The following ZNF138 variants were observed in gnomAD, a reference collection of about 807,000 sequenced individuals.
The protein encoded by ZNF138 is zinc finger protein 138 (clone pHZ-32).
A neutral mutation model predicts 33.0 loss-of-function variants in ZNF138; 33 were observed. The observed-to-expected ratio is 1.00, with a 90% CI of 0.76 to 1.34. The LOEUF (loss-of-function observed/expected upper bound fraction) is 1.34. Ranked by LOEUF, ZNF138 falls within the 40% of genes most tolerant of loss-of-function variation. The probability of loss-of-function intolerance (pLI) is 0.00; values close to 1 mark genes in which losing one functional copy is unlikely to be tolerated. For synonymous variants in ZNF138, 139 were observed against 120.4 expected (o/e 1.15, Z -1.01); for missense variants, 360 against 370.8 (o/e 0.97, Z 0.24).
intron 3 of ZNF138, among the ~76,000 whole-genome samples, chr7:64,829,791 C>T (rs1245466142): frequency 6.6e-6 from 1 of 151,924 alleles, no homozygotes; most frequent in Non-Finnish European, 1.5e-5. Flanking sequence ...TGTGTATGTG[C>T]ATGTCTTCCC....
intron 1 of ZNF138, among the ~76,000 whole-genome samples, chr7:64,799,728 C>T (rs962076695): frequency 2.6e-4 from 40 of 152,086 alleles, no homozygotes; most frequent in African/African-American, 9.4e-4. Flanking sequence ...ACTGCAACCT[C>T]GACCTCCCGG....
At chr7:64,839,474 C>T in the ZNF138 span, among the ~76,000 whole-genome samples, 2,508 of 152,212 alleles carry the variant, frequency 0.016, 34 homozygotes, top group Non-Finnish European at 0.024. Context: ...TCGTCAATGC[C>T]GATTTGGACT....
At chr7:64,825,622 C>G (rs1325901903) in intron 3 of ZNF138, among the ~76,000 whole-genome samples, 1 of 151,342 alleles carries the variant, frequency 6.6e-6, no homozygotes, top group Non-Finnish European at 1.5e-5. Context: ...TCACTGCAAC[C>G]TCTGCTTCCC....
At chr7:64,797,579 T>A (rs941167356) in intron 1 of ZNF138, among the ~76,000 whole-genome samples, 1 of 152,080 alleles carries the variant, frequency 6.6e-6, no homozygotes, top group African/African-American at 2.4e-5. Flanking sequence ...TGTCGGAGCC[T>A]GCTCACCCCA....
chr7:64,847,608 C>T, the ZNF138 span, among the ~76,000 whole-genome samples: 2 of 151,728 alleles, frequency 1.3e-5, no homozygotes, highest in African/African-American at 4.8e-5. Context: ...ATATAATGTC[C>T]CTCTTTGTCT....
intron 3 of ZNF138, among the ~76,000 whole-genome samples, chr7:64,823,231 T>G (rs953858710): frequency 6.6e-6 from 1 of 152,204 alleles, no homozygotes; most frequent in Admixed American, 6.5e-5. Flanking sequence ...AGAGTATGTT[T>G]TATTTTTATA....
At chr7:64,860,430 C>T in the ZNF138 span, among the ~76,000 whole-genome samples, 3 of 152,080 alleles carry the variant, frequency 2.0e-5, no homozygotes, top group Admixed American at 1.3e-4. Flanking sequence ...TTTCTTCAAC[C>T]ACTTCTTCCC....
the ZNF138 span, chr7:64,852,893 T>A: frequency 1.0e-5 from 10 of 998,818 alleles, no homozygotes; most frequent in Non-Finnish European, 1.6e-5. Flanking sequence ...TACAGACGTT[T>A]CTGCCTCCTC....
the ZNF138 span, chr7:64,852,629 A>G: frequency 2.1e-6 from 3 of 1,458,378 alleles, no homozygotes; most frequent in African/African-American, 1.4e-5. Context: ...GAGCCTCGCC[A>G]TGTTCATCAT....
chr7:64,849,722 G>A, the ZNF138 span, among the ~76,000 whole-genome samples: 58 of 152,042 alleles, frequency 3.8e-4, no homozygotes, highest in Non-Finnish European at 7.2e-4. Flanking sequence ...GGGTGTGGGG[G>A]AAAGGGGGAG....
downstream of ZNF138, among the ~76,000 whole-genome samples, chr7:64,837,174 C>T (rs118063731): frequency 3.9e-3 from 593 of 152,176 alleles, 10 homozygotes; most frequent in South Asian, 0.029. Context: ...AAGTGACAGT[C>T]CAAGTGGCCT....
At chr7:64,835,209 A>G (rs56004721), downstream of ZNF138, 44,864 of 152,100 alleles carry the variant, frequency 0.29, 7,488 homozygotes, top group Non-Finnish European at 0.37. Flanking sequence ...GGTGATCGCC[A>G]TCTTGGAGTC....
chr7:64,832,291 T>A lies in ZNF138; in HGVS notation c.*89T>A, dbSNP rs904505892. Reference sequence around the variant, plus strand: ...AAAGCCTTTAACCAGTTTTCAACCCTTATTACACATAAGATAATTCATAGC... The same window carrying A: ...AAAGCCTTTAACCAGTTTTCAACCCATATTACACATAAGATAATTCATAGC... On this transcript the variant is annotated 3_prime_UTR_variant, in exon 4 of 4. Coordinates refer to ENST00000307355, the MANE Select transcript of ZNF138 (RefSeq NM_001271639.2). The A allele has an allele frequency of 6.3e-7, 1 of 1,588,788 alleles. No individual in the cohort carries two copies. The highest frequency in any genetic ancestry group is 1.8e-5 in the Admixed American group (1 of 56,312).
chr7:64,854,315 A>C, the ZNF138 span, among the ~76,000 whole-genome samples: 1 of 152,140 alleles, frequency 6.6e-6, no homozygotes, highest in Admixed American at 6.5e-5. Context: ...ATCTCAGCTC[A>C]CTGCAACCTC....
At chr7:64,802,191 T>A (rs1787188196) in intron 1 of ZNF138, among the ~76,000 whole-genome samples, 1 of 151,910 alleles carries the variant, frequency 6.6e-6, no homozygotes. Flanking sequence ...ATTTTCCGGT[T>A]GACAGTTGGT....
chr7:64,800,984 A>G (rs568500770), intron 1 of ZNF138, among the ~76,000 whole-genome samples: 1 of 152,280 alleles, frequency 6.6e-6, no homozygotes, highest in African/African-American at 2.4e-5. Context: ...TGTTCATAGT[A>G]GACTTCAATA....
chr7:64,830,898 G>C (rs1383247983), intron 3 of ZNF138: 4 of 1,525,526 alleles, frequency 2.6e-6, no homozygotes, highest in South Asian at 1.3e-5. Flanking sequence ...CATCTTAATA[G>C]TCAGTAGTCA....
downstream of ZNF138, chr7:64,835,877 A>T (rs1325764585): frequency 6.6e-6 from 1 of 152,178 alleles, no homozygotes; most frequent in Non-Finnish European, 1.5e-5. Flanking sequence ...CCTAGTACTA[A>T]GGGTAGGAAA....
the ZNF138 span, among the ~76,000 whole-genome samples, chr7:64,846,879 A>G: frequency 6.6e-6 from 1 of 152,122 alleles, no homozygotes; most frequent in Non-Finnish European, 1.5e-5. Context: ...CCCATTCACT[A>G]TTATGCTGGC....
Sources: allele counts gnomAD v4.1 joint callset (sites outside exome capture counted in the v4.1 genomes callset), GRCh38; gene constraint gnomAD v4.1.1; transcripts MANE v1.5; gene names NCBI Gene and HGNC (gene_info 2026-07-23, HGNC 2026-07-21).